FRAS1: variants seen among roughly 807,000 people sequenced by gnomAD.
FRAS1 encodes the protein Fraser extracellular matrix complex subunit 1.
A neutral mutation model predicts 435.2 loss-of-function variants in FRAS1; 290 were observed. The observed-to-expected ratio is 0.67, with a 90% CI of 0.61 to 0.73. FRAS1 has a LOEUF of 0.73. FRAS1 is among the 30% of genes least tolerant of loss of function. The pLI, the probability that FRAS1 is intolerant of heterozygous loss-of-function variation, is 0.00. For missense variants in FRAS1, 4,860 were observed against 5,001.5 expected (o/e 0.97, Z 0.85); for synonymous variants, 1,800 against 1,851.0 (o/e 0.97, Z 0.71).
chr4:78,212,485 A>G (rs1409447880), intron 2 of FRAS1, among the ~76,000 whole-genome samples: 1 of 152,208 alleles, frequency 6.6e-6, no homozygotes, highest in Non-Finnish European at 1.5e-5. Flanking sequence ...GGTCTGTCCT[A>G]AGGCAAGCAG....
intron 9 of FRAS1, among the ~76,000 whole-genome samples, chr4:78,274,409 A>T (rs576280149): frequency 1.3e-5 from 2 of 152,110 alleles, no homozygotes; most frequent in Admixed American, 6.5e-5. Context: ...GTGATGTTAG[A>T]GTGTCAATTT....
chr4:78,504,706 G>A (rs1460710571), intron 61 of FRAS1, among the ~76,000 whole-genome samples: 1 of 152,200 alleles, frequency 6.6e-6, no homozygotes, highest in South Asian at 2.1e-4. Context: ...TTTAATTGGG[G>A]TCATTTAGCC....
chr4:78,511,796 G>A (rs1053523389), intron 64 of FRAS1, among the ~76,000 whole-genome samples: 1 of 152,120 alleles, frequency 6.6e-6, no homozygotes, highest in Non-Finnish European at 1.5e-5. Flanking sequence ...CTGCCATGCT[G>A]TTACCTCAAC....
At chr4:78,215,484 G>T (rs1049898914) in intron 2 of FRAS1, among the ~76,000 whole-genome samples, 2 of 152,140 alleles carry the variant, frequency 1.3e-5, no homozygotes, top group African/African-American at 4.8e-5. Flanking sequence ...ATGAGCCACC[G>T]CACCCGGCCA....
chr4:78,178,325 T>A (rs1175018715), intron 2 of FRAS1, among the ~76,000 whole-genome samples: 1 of 152,232 alleles, frequency 6.6e-6, no homozygotes, highest in Non-Finnish European at 1.5e-5. Context: ...ATAAGTGGGA[T>A]GTTCTATTCC....
intron 30 of FRAS1, among the ~76,000 whole-genome samples, chr4:78,403,010 G>A (rs957914747): frequency 2.0e-5 from 3 of 152,214 alleles, no homozygotes; most frequent in Non-Finnish European, 2.9e-5. Flanking sequence ...GGTTAAAGTG[G>A]TGTCTACCAG....
intron 2 of FRAS1, chr4:78,071,261 G>C (rs1371582294): frequency 1.3e-5 from 2 of 152,110 alleles, no homozygotes; most frequent in Non-Finnish European, 2.9e-5. Context: ...ACTTTATACA[G>C]CCAGGTGTCA....
intron 29 of FRAS1, among the ~76,000 whole-genome samples, chr4:78,396,253 G>A (rs1436119019): frequency 6.6e-6 from 1 of 152,082 alleles, no homozygotes; most frequent in Non-Finnish European, 1.5e-5. Context: ...TTTTACACTA[G>A]AGTTAAAACT....
chr4:78,082,049 C>G (rs572238077), intron 2 of FRAS1, among the ~76,000 whole-genome samples: 293 of 152,016 alleles, frequency 1.9e-3, no homozygotes, highest in Non-Finnish European at 3.6e-3. Flanking sequence ...AATATTATAT[C>G]TAACATTTTT....
chr4:78,106,159 C>T (rs1214065209), intron 2 of FRAS1, among the ~76,000 whole-genome samples: 2 of 97,544 alleles, frequency 2.1e-5, no homozygotes, highest in Non-Finnish European at 4.4e-5. Context: ...AAGGCGGCAA[C>T]TAGGCTGGGG....
chr4:78,410,450 G>C (rs893707654), intron 31 of FRAS1, among the ~76,000 whole-genome samples: 1 of 128,008 alleles, frequency 7.8e-6, no homozygotes. Flanking sequence ...AAAAAATAAT[G>C]ATTTAAAAAA....
At chr4:78,511,845 C>T (rs943028428) in intron 64 of FRAS1, among the ~76,000 whole-genome samples, 11 of 152,226 alleles carry the variant, frequency 7.2e-5, no homozygotes, top group Non-Finnish European at 1.3e-4. Flanking sequence ...ACCCTACTGT[C>T]CTACAATACC....
intron 9 of FRAS1, among the ~76,000 whole-genome samples, chr4:78,276,103 A>T (rs552500240): frequency 6.6e-6 from 1 of 152,212 alleles, no homozygotes; most frequent in Admixed American, 6.5e-5. Context: ...CCAGTTGATC[A>T]AATCAGCTAC....
At chr4:78,540,303 G>A (rs939898463) in intron 73 of FRAS1, among the ~76,000 whole-genome samples, 1 of 152,044 alleles carries the variant, frequency 6.6e-6, no homozygotes, top group African/African-American at 2.4e-5. Flanking sequence ...TACACATAGG[G>A]AAACAAAAAA....
chr4:78,059,877 G>C (rs1374724578), intron 1 of FRAS1, among the ~76,000 whole-genome samples: 2 of 133,462 alleles, frequency 1.5e-5, no homozygotes, highest in Admixed American at 7.7e-5. Context: ...AGAAAGCTGG[G>C]GGTAGAGACG....
intron 15 of FRAS1, among the ~76,000 whole-genome samples, chr4:78,308,828 A>C (rs1233168298): frequency 2.0e-5 from 3 of 152,216 alleles, no homozygotes; most frequent in African/African-American, 7.2e-5. Flanking sequence ...ATCTCTGTGC[A>C]TGTCAATTCC....
In FRAS1 at chr4:78,164,776, C is replaced by A. The variant is rs114309208; in HGVS notation, c.109-72734C>A. Among the ~76,000 whole-genome samples, 810 of 152,182 alleles carry A rather than the reference C, an allele frequency of 5.3e-3. 5 individuals are homozygous for A. Among genetic ancestry groups the A allele is most frequent in the African/African-American group, 0.019 (770 of 41,542 alleles). On this transcript the variant is annotated intron_variant, in intron 2 of 73. Coordinates refer to ENST00000512123, the MANE Select transcript of FRAS1 (RefSeq NM_025074.7). The stretch of plus-strand genomic sequence containing the variant: ...CTTTCATCATCGTTTTCATGAACGT[C>A]CTTTAAAAAGTAACATCTTACTTTC...
intron 2 of FRAS1, among the ~76,000 whole-genome samples, chr4:78,194,161 C>T (rs1722688751): frequency 6.6e-6 from 1 of 152,186 alleles, no homozygotes; most frequent in Admixed American, 6.5e-5. Context: ...TGATGGGCTT[C>T]CCTTTGTGGG....
chr4:78,283,298 T>A (rs1165388444), intron 12 of FRAS1, among the ~76,000 whole-genome samples: 2 of 152,248 alleles, frequency 1.3e-5, no homozygotes, highest in Non-Finnish European at 2.9e-5. Flanking sequence ...GGTAAATCTG[T>A]CTTCCATTGT....
Sources: gnomAD v4.1 joint callset for allele counts (sites outside exome capture counted in the v4.1 genomes callset) on GRCh38, gnomAD v4.1.1 for gene constraint, MANE v1.5 for transcripts, NCBI Gene and HGNC (gene_info 2026-07-23, HGNC 2026-07-21) for gene names.